The following LRRC7 variants were observed in gnomAD, a reference collection of about 807,000 sequenced individuals.
LRRC7 encodes leucine rich repeat containing 7.
A neutral mutation model predicts 175.7 loss-of-function variants in LRRC7; 23 were observed. That is an observed-to-expected ratio of 0.13 (90% CI 0.09 to 0.19). The LOEUF (loss-of-function observed/expected upper bound fraction) is 0.19. LRRC7 is among the 10% of genes least tolerant of loss of function. The probability of loss-of-function intolerance (pLI) is 1.00; values close to 1 mark genes in which losing one functional copy is unlikely to be tolerated. For synonymous variants in LRRC7, 685 were observed against 680.9 expected, an observed-to-expected ratio of 1.01 and a Z score of -0.09; for missense variants, 1,354 against 1,904.7, an observed-to-expected ratio of 0.71 and a Z score of 5.38.
Position 70,144,346 on chromosome 1 carries a change from AAT to A in LRRC7, c.*22460_*22461del, listed in dbSNP as rs1428976665. 6.6e-6 allele frequency: 1 copy of A among 152,188 alleles called. No individual in the cohort carries two copies. The highest frequency in any genetic ancestry group is 1.9e-4 in the East Asian group (1 of 5,200). The allele number at this position is 152,188 out of a possible 1,614,324, so 9.4% of individuals were successfully genotyped here. Reference sequence around the variant, plus strand: ...AGTCTCCTTATTGTATAAATAATAAAATGTCACCTTATTGTAAAGTGTCTTTT... The same window carrying A: ...AGTCTCCTTATTGTATAAATAATAAAGTCACCTTATTGTAAAGTGTCTTTT... On this transcript the variant is annotated 3_prime_UTR_variant, in exon 27 of 27. Transcript: ENST00000651989.
chr1:69,892,049 A>G (rs561578284), intron 7 of LRRC7, among the ~76,000 whole-genome samples: 32 of 152,366 alleles, frequency 2.1e-4, no homozygotes, highest in Admixed American at 5.9e-4. Context: ...ATGTATACAT[A>G]TATTGAAACA....
intron 7 of LRRC7, among the ~76,000 whole-genome samples, chr1:69,856,838 G>A (rs1300332117): frequency 6.6e-6 from 1 of 152,146 alleles, no homozygotes; most frequent in Non-Finnish European, 1.5e-5. Context: ...CAATATCCCT[G>A]ATGAACATCA....
intron 7 of LRRC7, among the ~76,000 whole-genome samples, chr1:69,857,388 C>G (rs964254153): frequency 5.3e-5 from 8 of 152,182 alleles, no homozygotes; most frequent in African/African-American, 1.7e-4. Context: ...CCAAAATCTC[C>G]TTAAGCTGAT....
At chr1:69,787,421 CT>C (rs1267553855) in intron 3 of LRRC7, among the ~76,000 whole-genome samples, 1 of 152,226 alleles carries the variant, frequency 6.6e-6, no homozygotes, top group East Asian at 1.9e-4. Context: ...CACATTTCCC[CT>C]CTGCACTGCC....
At chr1:69,681,922 C>A (rs1053512421) in intron 2 of LRRC7, among the ~76,000 whole-genome samples, 2 of 152,118 alleles carry the variant, frequency 1.3e-5, no homozygotes, top group African/African-American at 4.8e-5. Context: ...AAACAACATT[C>A]ATTTATCATC....
At position 69,686,458 on chromosome 1, in the gene LRRC7, G is replaced by C. The variant is rs555847660; in HGVS notation, c.100+7980G>C. 9.2e-5 allele frequency among the ~76,000 whole-genome samples: 14 copies of C among 152,248 alleles called. 1 individual carries two copies. The South Asian group carries it at 1.0e-3, about 11-fold the overall frequency. ...AAATAAGTCAATTAATATTTAAAAA[G>C]TGGAAAGGGTAAAGGGACCTAAATT... is the stretch of plus-strand genomic sequence containing the variant. On this transcript the variant is annotated intron_variant, in intron 2 of 26. Transcript: ENST00000651989.
chr1:69,708,904 T>C (rs1664399410), intron 2 of LRRC7, among the ~76,000 whole-genome samples: 1 of 152,308 alleles, frequency 6.6e-6, no homozygotes, highest in Non-Finnish European at 1.5e-5. Context: ...CTTCCACCTA[T>C]TTTATTGACT....
At chr1:69,875,449 T>C (rs1203066440) in intron 7 of LRRC7, among the ~76,000 whole-genome samples, 7 of 152,042 alleles carry the variant, frequency 4.6e-5, no homozygotes, top group Middle Eastern at 3.2e-3. Context: ...CTAAAGTTCT[T>C]TAAAACTTAA....
At chr1:69,659,347 GA>G (rs543418499) in intron 1 of LRRC7, among the ~76,000 whole-genome samples, 59 of 147,176 alleles carry the variant, frequency 4.0e-4, no homozygotes, top group East Asian at 1.6e-3. Context: ...GTTATAAAAG[GA>G]AAAAAAAAAT....
intron 4 of LRRC7, among the ~76,000 whole-genome samples, chr1:69,809,810 C>A (rs1677599661): frequency 6.6e-6 from 1 of 151,726 alleles, no homozygotes; most frequent in African/African-American, 2.4e-5. Flanking sequence ...AAACCCACAG[C>A]CATTATACTG....
At chr1:70,020,868 T>G in intron 15 of LRRC7, 137 bp from the exon 16 acceptor site, 1 of 603,252 alleles carries the variant, frequency 1.7e-6, no homozygotes, top group Non-Finnish European at 2.5e-6. Flanking sequence ...TCCTTCTTTC[T>G]CTTTCTTTTT....
At chr1:69,657,548 T>A (rs183270809) in intron 1 of LRRC7, among the ~76,000 whole-genome samples, 15 of 151,994 alleles carry the variant, frequency 9.9e-5, no homozygotes, top group Admixed American at 2.0e-4. Context: ...ATGTATACAT[T>A]GTATTTTTCC....
At chr1:70,023,411 G>A (rs1657729885) in intron 17 of LRRC7, 37 bp downstream of exon 17, 4 of 1,509,292 alleles carry the variant, frequency 2.7e-6, no homozygotes, top group Non-Finnish European at 3.6e-6. Flanking sequence ...AATCTCCCAT[G>A]TAGAGGCAAC....
intron 7 of LRRC7, among the ~76,000 whole-genome samples, chr1:69,844,739 TA>T (rs1213650567): frequency 6.6e-6 from 1 of 152,144 alleles, no homozygotes; most frequent in Admixed American, 6.6e-5. Context: ...AGTTCTATTT[TA>T]AATTTTTTTA....
At chr1:69,608,502 C>A (rs1648020068) in intron 1 of LRRC7, among the ~76,000 whole-genome samples, 1 of 152,026 alleles carries the variant, frequency 6.6e-6, no homozygotes, top group Non-Finnish European at 1.5e-5. Flanking sequence ...ATGCTGCCAG[C>A]CAGTGCAGGC....
At chr1:69,750,204 G>A (rs1022805082) in intron 2 of LRRC7, among the ~76,000 whole-genome samples, 5 of 151,920 alleles carry the variant, frequency 3.3e-5, no homozygotes, top group African/African-American at 9.7e-5. Context: ...GGAAAGGTTG[G>A]TTAATGGGTA....
chr1:69,906,576 G>A (rs1646319942), intron 7 of LRRC7, among the ~76,000 whole-genome samples: 1 of 152,152 alleles, frequency 6.6e-6, no homozygotes, highest in African/African-American at 2.4e-5. Flanking sequence ...TTGTAGATAT[G>A]TGGCATGATT....
intron 2 of LRRC7, among the ~76,000 whole-genome samples, chr1:69,745,539 TC>T (rs1379789963): frequency 2.0e-5 from 3 of 151,918 alleles, no homozygotes; most frequent in Non-Finnish European, 4.4e-5. Context: ...TAATATAATT[TC>T]CTAGTATAGG....
intron 8 of LRRC7, among the ~76,000 whole-genome samples, chr1:69,976,055 T>A (rs2101878616): frequency 6.6e-6 from 1 of 152,326 alleles, no homozygotes; most frequent in East Asian, 1.9e-4. Flanking sequence ...CTACCTGTAT[T>A]GTGTCTATTT....
Sources: gnomAD v4.1 joint callset for allele counts (sites outside exome capture counted in the v4.1 genomes callset) on GRCh38, gnomAD v4.1.1 for gene constraint, MANE v1.5 for transcripts, NCBI Gene and HGNC (gene_info 2026-07-23, HGNC 2026-07-21) for gene names.